Variants in OTUD7A observed in about 807,000 individuals in gnomAD.
OTUD7A encodes OTU domain-containing protein 7A.
A neutral mutation model predicts 65.7 loss-of-function variants in OTUD7A; 12 were observed. The ratio of observed to expected loss-of-function variants is 0.18; its 90% CI spans 0.12 to 0.30. OTUD7A has a LOEUF of 0.30. Among genes scored for constraint, OTUD7A ranks in the 10% least tolerant of loss-of-function variants. The pLI is 1.00. For missense variants in OTUD7A, 1,148 were observed against 1,304.8 expected (o/e 0.88, Z 1.85); for synonymous variants, 641 against 586.3 (o/e 1.09, Z -1.35).
At chr15:31,501,669 T>C (rs1032107890) in intron 10 of OTUD7A, 21 bp downstream of exon 10, 1 of 1,614,018 alleles carries the variant, frequency 6.2e-7, no homozygotes, top group South Asian at 1.1e-5. Flanking sequence ...CTGCGTGCAC[T>C]CTCTTGGGAG....
At chr15:31,816,576 C>A (rs1358978361) in intron 1 of OTUD7A, among the ~76,000 whole-genome samples, 1 of 151,818 alleles carries the variant, frequency 6.6e-6, no homozygotes, top group Non-Finnish European at 1.5e-5. Context: ...CACCTGTAGT[C>A]CCAGCAACTC....
intron 1 of OTUD7A, among the ~76,000 whole-genome samples, chr15:31,849,527 G>A (rs554928554): frequency 3.9e-5 from 6 of 152,212 alleles, no homozygotes; most frequent in East Asian, 1.9e-4. Context: ...CAAAAGCAAC[G>A]GCAACAAAAG....
chr15:31,512,831 A>G (rs1032728803), intron 8 of OTUD7A, among the ~76,000 whole-genome samples: 1 of 152,244 alleles, frequency 6.6e-6, no homozygotes, highest in Non-Finnish European at 1.5e-5. Flanking sequence ...AATATAAAGT[A>G]TGTTGATTTT....
chr15:31,613,396 T>C (rs1471982545), intron 3 of OTUD7A, among the ~76,000 whole-genome samples: 1 of 152,156 alleles, frequency 6.6e-6, no homozygotes, highest in Non-Finnish European at 1.5e-5. Flanking sequence ...AATCTATACA[T>C]TTGAGAAAGG....
At chr15:31,792,829 AG>A (rs1170181754) in intron 1 of OTUD7A, among the ~76,000 whole-genome samples, 1 of 152,124 alleles carries the variant, frequency 6.6e-6, no homozygotes, top group East Asian at 1.9e-4. Flanking sequence ...GGCTGGGTTG[AG>A]GGGCTGTCCT....
chr15:31,595,729 G>T (rs1361746065), intron 3 of OTUD7A, among the ~76,000 whole-genome samples: 2 of 152,236 alleles, frequency 1.3e-5, no homozygotes, highest in African/African-American at 4.8e-5. Flanking sequence ...CAGCAGAGCC[G>T]TGGTCCCTCC....
intron 1 of OTUD7A, among the ~76,000 whole-genome samples, chr15:31,716,706 C>T (rs374023894): frequency 1.4e-5 from 2 of 139,904 alleles, no homozygotes; most frequent in Non-Finnish European, 1.6e-5. Flanking sequence ...AGATACTTTG[C>T]GGATTAAAAG....
At chr15:31,802,252 A>C (rs2140950231) in intron 1 of OTUD7A, among the ~76,000 whole-genome samples, 1 of 152,156 alleles carries the variant, frequency 6.6e-6, no homozygotes, top group East Asian at 1.9e-4. Context: ...TCTGAGTCCC[A>C]AAACTGAAGA....
intron 3 of OTUD7A, among the ~76,000 whole-genome samples, chr15:31,632,430 G>A (rs2141251255): frequency 6.6e-6 from 1 of 152,374 alleles, no homozygotes; most frequent in East Asian, 1.9e-4. Flanking sequence ...GGTGGCTGTA[G>A]AACAGCAGAT....
intron 1 of OTUD7A, among the ~76,000 whole-genome samples, chr15:31,843,459 C>A (rs1170657075): frequency 2.6e-5 from 4 of 151,926 alleles, no homozygotes; most frequent in South Asian, 2.1e-4. Flanking sequence ...TTTTCCAGCT[C>A]TTCCTTTAAA....
chr15:31,803,463 C>T (rs1896187975), intron 1 of OTUD7A, among the ~76,000 whole-genome samples: 1 of 152,056 alleles, frequency 6.6e-6, no homozygotes, highest in Admixed American at 6.5e-5. Flanking sequence ...ACCAACACAC[C>T]ACTCTGTGCA....
intron 3 of OTUD7A, among the ~76,000 whole-genome samples, chr15:31,628,666 C>A (rs559125562): frequency 6.6e-6 from 1 of 152,194 alleles, no homozygotes; most frequent in Non-Finnish European, 1.5e-5. Context: ...GGCATTGAAT[C>A]TATAAATTAC....
intron 1 of OTUD7A, 63 bp from the exon 2 acceptor site, chr15:31,657,140 C>T (rs1042137129): frequency 2.0e-5 from 3 of 152,696 alleles, no homozygotes; most frequent in African/African-American, 7.2e-5. Flanking sequence ...AGGCCGAAGG[C>T]TTGGCTTTTT....
At chr15:31,816,747 G>A (rs564003168) in intron 1 of OTUD7A, among the ~76,000 whole-genome samples, 1 of 152,036 alleles carries the variant, frequency 6.6e-6, no homozygotes, top group African/African-American at 2.4e-5. Flanking sequence ...CTACTTAAAA[G>A]AATCCTAGGG....
In OTUD7A at chr15:31,487,643, G is replaced by T; in HGVS notation, c.1172-77C>A. 2.5e-6 allele frequency: 3 copies of T among 1,185,844 alleles called. No homozygotes were observed. Among genetic ancestry groups the T allele is most frequent in the Non-Finnish European group, 3.6e-6 (3 of 837,636 alleles). 73.5% of individuals were successfully genotyped at this position (1,185,844 alleles called of 1,614,324 possible). A position where few individuals can be genotyped will look rare whatever the true frequency, so the allele number is the denominator to read the frequency against. On this transcript the variant is annotated intron_variant, in intron 10 of 12. Coordinates refer to ENST00000307050, the MANE Select transcript of OTUD7A (RefSeq NM_001382637.1). This position sits in a 1 kb window ranked among gnomAD's most constrained non-coding sequence, Gnocchi z 6.0. ...GGATGGCAAGGAAATTCCCAAGCCA[G>T]GTATCTGGGTGACAAATGCACCGAG... is the stretch of plus-strand genomic sequence containing the variant.
chr15:31,544,890 T>C (rs913276056), intron 5 of OTUD7A, among the ~76,000 whole-genome samples: 2 of 151,964 alleles, frequency 1.3e-5, no homozygotes, highest in Admixed American at 1.3e-4. Context: ...AGCTTAATTA[T>C]ATGCTGGGTC....
intron 3 of OTUD7A, among the ~76,000 whole-genome samples, chr15:31,634,298 CCTCT>C (rs1891269803): frequency 6.6e-6 from 1 of 152,178 alleles, no homozygotes. Flanking sequence ...AATGCAACCC[CCTCT>C]CTCTGCCACT....
chr15:31,580,323 G>A (rs1332392708), intron 3 of OTUD7A, among the ~76,000 whole-genome samples: 2 of 152,144 alleles, frequency 1.3e-5, no homozygotes, highest in Non-Finnish European at 2.9e-5. Context: ...GTACAGTGGG[G>A]TTTAGATTTG....
At chr15:31,645,885 G>A (rs1037829920) in intron 3 of OTUD7A, among the ~76,000 whole-genome samples, 4 of 152,160 alleles carry the variant, frequency 2.6e-5, no homozygotes, top group African/African-American at 4.8e-5. Flanking sequence ...TGAAGGCAGG[G>A]CCTACTCTTC....
Sources: allele counts gnomAD v4.1 joint callset (sites outside exome capture counted in the v4.1 genomes callset), GRCh38; gene constraint gnomAD v4.1.1; non-coding constraint Gnocchi (gnomAD v3.1); transcripts MANE v1.5; gene names NCBI Gene and HGNC (gene_info 2026-07-23, HGNC 2026-07-21).